The following CHD9 variants were observed in gnomAD, a reference collection of about 807,000 sequenced individuals.
The protein encoded by CHD9 is chromodomain helicase DNA binding protein 9, also known as ATP-dependent chromatin remodeler CHD9.
In CHD9, 77 loss-of-function variants were observed where a neutral mutation model predicts 316.1. The ratio of observed to expected loss-of-function variants is 0.24; its 90% CI spans 0.20 to 0.29. The LOEUF is 0.29. Among genes scored for constraint, CHD9 ranks in the 10% least tolerant of loss-of-function variants. The pLI is 1.00. For synonymous variants in CHD9, 1,129 were observed against 1,158.3 expected, an observed-to-expected ratio of 0.97 and a Z score of 0.51; for missense variants, 2,763 against 3,438.1, an observed-to-expected ratio of 0.80 and a Z score of 4.91.
intron 22 of CHD9, among the ~76,000 whole-genome samples, chr16:53,271,194 A>G (rs1242601105): frequency 1.3e-5 from 2 of 151,882 alleles, no homozygotes; most frequent in African/African-American, 4.8e-5. Flanking sequence ...CACCTTTTTT[A>G]TTTGTCACAC....
Position 53,156,049 on chromosome 16 carries a change from C to A in CHD9, c.-41C>A. The A allele has an allele frequency of 1.3e-6, 2 of 1,572,060 alleles. No individual in the cohort carries two copies. The highest frequency in any genetic ancestry group is 1.8e-5 in the Admixed American group (1 of 54,918). ...TACTATAGAGAAGCTGAATATACTCCATTTGGAGTGAACAGCCCGGATTGT... is the reference window on the plus strand; with the variant it reads ...TACTATAGAGAAGCTGAATATACTCAATTTGGAGTGAACAGCCCGGATTGT... On this transcript the variant is annotated 5_prime_UTR_variant, in exon 2 of 39. Transcript: ENST00000447540.
At chr16:53,114,841 C>T (rs2038166890) in intron 1 of CHD9, among the ~76,000 whole-genome samples, 1 of 152,124 alleles carries the variant, frequency 6.6e-6, no homozygotes, top group South Asian at 2.1e-4. Context: ...CCCGCCTCGG[C>T]CTCCCAAAGT....
Position 53,157,069 on chromosome 16 carries a change from A to C in CHD9, c.980A>C (p.Asn327Thr). The C allele has an allele frequency of 6.2e-7, 1 of 1,613,056 alleles. No individual in the cohort carries two copies. Among genetic ancestry groups the C allele is most frequent in the East Asian group, 2.2e-5 (1 of 44,876 alleles). Residue 327 changes from asparagine (N) to threonine (T), a missense_variant, in exon 2 of 39, where the codon AAC becomes ACC. Transcript: ENST00000447540. ...IKQESTQHIL[N>T]PNTSLNSNNF... is the part of the protein sequence containing the mutation. The stretch of plus-strand genomic sequence containing the variant: ...CAAGAATCTACTCAGCATATCCTAA[A>C]CCCCAATACATCATTGAATTCAAAT...
intron 19 of CHD9, 148 bp from the exon 20 acceptor site, chr16:53,262,839 G>A (rs2051281870): frequency 1.6e-6 from 1 of 631,796 alleles, no homozygotes; most frequent in Non-Finnish European, 2.8e-6. Context: ...AGCAGATGCA[G>A]TGCTGTGTTT....
At chr16:53,232,982 C>T (rs951104698) in intron 10 of CHD9, among the ~76,000 whole-genome samples, 1 of 152,186 alleles carries the variant, frequency 6.6e-6, no homozygotes, top group Non-Finnish European at 1.5e-5. Context: ...CAAAAGACTT[C>T]TGTAACCCCA....
chr16:53,312,507 A>G lies in CHD9; in HGVS notation c.7223-1870A>G, dbSNP rs187710462. On this transcript the variant is annotated intron_variant, in intron 34 of 38. Coordinates refer to ENST00000447540, the MANE Select transcript of CHD9 (RefSeq NM_001308319.2). Reference sequence around the variant, plus strand: ...AAAAGAAGGGCAGGGAATAGCATGAAACAGAGACTAGATGTCAGGAAAATG... The same window carrying G: ...AAAAGAAGGGCAGGGAATAGCATGAGACAGAGACTAGATGTCAGGAAAATG... Among the ~76,000 whole-genome samples the G allele has an allele frequency of 1.1e-3, 167 of 152,318 alleles. 1 individual carries two copies. Among genetic ancestry groups the G allele is most frequent in the African/African-American group, 3.8e-3 (158 of 41,570 alleles).
chr16:53,234,338 A>G (rs2048430887), intron 10 of CHD9, among the ~76,000 whole-genome samples: 1 of 152,114 alleles, frequency 6.6e-6, no homozygotes, highest in African/African-American at 2.4e-5. Flanking sequence ...TTGTTTGATT[A>G]TACTTGTTAG....
chr16:53,268,898 G>T (rs2051948500), intron 22 of CHD9, among the ~76,000 whole-genome samples: 1 of 152,092 alleles, frequency 6.6e-6, no homozygotes, highest in Non-Finnish European at 1.5e-5. Flanking sequence ...AACCTCCTGG[G>T]CTTAAGCCAT....
intron 1 of CHD9, among the ~76,000 whole-genome samples, chr16:53,142,168 A>G (rs1323458160): frequency 1.3e-5 from 2 of 152,224 alleles, no homozygotes. Flanking sequence ...GATCTTGGTA[A>G]GTCGACAAGG....
At chr16:53,213,003 A>G (rs918807725) in intron 3 of CHD9, among the ~76,000 whole-genome samples, 1 of 152,122 alleles carries the variant, frequency 6.6e-6, no homozygotes, top group Non-Finnish European at 1.5e-5. Flanking sequence ...CAGGAGCCAC[A>G]CCCCTTCCTT....
intron 1 of CHD9, among the ~76,000 whole-genome samples, chr16:53,118,498 A>G (rs1027918683): frequency 1.3e-5 from 2 of 152,200 alleles, no homozygotes; most frequent in East Asian, 3.9e-4. Context: ...ATCTAATGGT[A>G]ACCAGAGAAA....
At chr16:53,289,294 G>A (rs943121218) in intron 27 of CHD9, among the ~76,000 whole-genome samples, 7 of 152,062 alleles carry the variant, frequency 4.6e-5, no homozygotes, top group African/African-American at 1.4e-4. Context: ...TGTGGCTCAC[G>A]CCTGTAATCC....
chr16:53,255,839 A>C, intron 19 of CHD9, 60 bp downstream of exon 19: 1 of 1,439,002 alleles, frequency 6.9e-7, no homozygotes, highest in South Asian at 1.2e-5. Context: ...ACTACTGAGA[A>C]AGTTTAATTA....
intron 2 of CHD9, among the ~76,000 whole-genome samples, chr16:53,192,595 A>G (rs1427773071): frequency 6.6e-6 from 1 of 152,218 alleles, no homozygotes; most frequent in Non-Finnish European, 1.5e-5. Context: ...TAATCAAGAC[A>G]CAGATTATTG....
intron 1 of CHD9, among the ~76,000 whole-genome samples, chr16:53,137,165 G>A (rs748833730): frequency 6.6e-6 from 1 of 152,000 alleles, no homozygotes. Context: ...GTAGAGACGG[G>A]GTTTCACCAT....
At chr16:53,225,426 G>A (rs2047572818) in intron 4 of CHD9, among the ~76,000 whole-genome samples, 1 of 152,050 alleles carries the variant, frequency 6.6e-6, no homozygotes, top group Non-Finnish European at 1.5e-5. Context: ...TAAGCCCTTT[G>A]GGATTTTGAA....
Position 53,325,096 on chromosome 16 carries a change from A to G in CHD9, c.*201A>G. 4.4e-6 allele frequency: 2 copies of G among 457,708 alleles called. No homozygotes were observed. The highest frequency in any genetic ancestry group is 7.7e-6 in the Non-Finnish European group (2 of 258,872). The allele number at this position is 457,708 out of a possible 1,614,324, so 28.4% of individuals were successfully genotyped here. ...ATAAGTTTCTGAACTCGTATGTACT[A>G]TCAAATACATAAAGGTGTAAAATTA... On this transcript the variant is annotated 3_prime_UTR_variant, in exon 39 of 39. Coordinates refer to ENST00000447540, the MANE Select transcript of CHD9 (RefSeq NM_001308319.2).
chr16:53,272,480 A>G (rs1016529469), intron 22 of CHD9, among the ~76,000 whole-genome samples: 2 of 152,168 alleles, frequency 1.3e-5, no homozygotes, highest in Non-Finnish European at 2.9e-5. Context: ...AGGTACAAGA[A>G]TTGCAAGAGG....
At chr16:53,186,921 C>T (rs1421328712) in intron 2 of CHD9, among the ~76,000 whole-genome samples, 1 of 152,136 alleles carries the variant, frequency 6.6e-6, no homozygotes, top group Non-Finnish European at 1.5e-5. Context: ...TCAATTAAGC[C>T]TCTTTCCTGT....
Sources: gnomAD v4.1 joint callset for allele counts (sites outside exome capture counted in the v4.1 genomes callset) on GRCh38, gnomAD v4.1.1 for gene constraint, MANE v1.5 for transcripts, NCBI Gene and HGNC (gene_info 2026-07-23, HGNC 2026-07-21) for gene names.